Variants in PLPPR1 observed in about 807,000 individuals in gnomAD.
The protein encoded by PLPPR1 is phospholipid phosphatase-related protein type 1.
Under a neutral mutation model 33.1 loss-of-function variants are expected in PLPPR1, and 10 were observed. The observed-to-expected ratio is 0.30, with a 90% CI of 0.19 to 0.51. The LOEUF (loss-of-function observed/expected upper bound fraction) is 0.51, where lower values mean the gene tolerates loss of function less well. Among genes scored for constraint, PLPPR1 ranks in the 20% least tolerant of loss-of-function variants. The pLI is 0.97. For missense variants in PLPPR1, 304 were observed against 408.1 expected (o/e 0.74, Z 2.20); for synonymous variants, 151 against 151.0 (o/e 1.00, Z 0.00).
chr9:101,134,433 A>G (rs1344232678), intron 1 of PLPPR1, among the ~76,000 whole-genome samples: 6 of 150,568 alleles, frequency 4.0e-5, no homozygotes, highest in Non-Finnish European at 7.4e-5. Context: ...CCCAGGCTGG[A>G]GTGCAGTGGT....
At chr9:101,049,653 T>C (rs1370941354) in intron 1 of PLPPR1, among the ~76,000 whole-genome samples, 12 of 152,178 alleles carry the variant, frequency 7.9e-5, no homozygotes, top group Admixed American at 7.9e-4. Context: ...GGACTTAAAC[T>C]CTGATGGGCT....
At chr9:101,080,524 A>C (rs1352491960) in intron 1 of PLPPR1, among the ~76,000 whole-genome samples, 4 of 152,182 alleles carry the variant, frequency 2.6e-5, no homozygotes, top group Non-Finnish European at 5.9e-5. Context: ...CAAAAAATAA[A>C]ATAAAAATAA....
chr9:101,079,950 C>T (rs1830598647), intron 1 of PLPPR1, among the ~76,000 whole-genome samples: 2 of 152,156 alleles, frequency 1.3e-5, no homozygotes, highest in African/African-American at 4.8e-5. Context: ...TTAATTCTCC[C>T]TAAAATTCTG....
chr9:101,054,469 A>G (rs1045045958), intron 1 of PLPPR1, among the ~76,000 whole-genome samples: 1 of 152,170 alleles, frequency 6.6e-6, no homozygotes, highest in Non-Finnish European at 1.5e-5. Flanking sequence ...TTGATGACAG[A>G]CTCAATTGGA....
rs185325459 is a variant in PLPPR1, at chr9:101,153,921, G to A, written c.-45-31529G>A. Among the ~76,000 whole-genome samples, 97 of 152,154 alleles carry A rather than the reference G, an allele frequency of 6.4e-4. 3 individuals carry two copies. In the East Asian group the frequency reaches 0.013, roughly 20 times the overall value. On this transcript the variant is annotated intron_variant, in intron 1 of 7. Coordinates refer to ENST00000374874, the MANE Select transcript of PLPPR1 (RefSeq NM_207299.2). ...TTTATTGAGAGTTTTTAGCATGAAGGGCTGTTGAATTTTGTCAAAGGCCTT... is the reference window on the plus strand; with the variant it reads ...TTTATTGAGAGTTTTTAGCATGAAGAGCTGTTGAATTTTGTCAAAGGCCTT...
At chr9:101,169,444 T>G (rs1351820791) in intron 1 of PLPPR1, among the ~76,000 whole-genome samples, 1 of 152,152 alleles carries the variant, frequency 6.6e-6, no homozygotes, top group Non-Finnish European at 1.5e-5. Flanking sequence ...GATGGTGTTT[T>G]CCTACTTAGC....
At chr9:101,304,747 A>C (rs986638595) in intron 4 of PLPPR1, among the ~76,000 whole-genome samples, 20 of 152,294 alleles carry the variant, frequency 1.3e-4, no homozygotes, top group Admixed American at 3.3e-4. Context: ...CCCCAAGTCC[A>C]GTCCCTAGTT....
intron 2 of PLPPR1, among the ~76,000 whole-genome samples, chr9:101,192,087 G>A (rs1407969364): frequency 6.6e-6 from 1 of 152,160 alleles, no homozygotes; most frequent in East Asian, 1.9e-4. Context: ...AGAACTTAAA[G>A]AATTCCATAT....
intron 1 of PLPPR1, among the ~76,000 whole-genome samples, chr9:101,170,880 T>C (rs1825933173): frequency 6.6e-6 from 1 of 152,012 alleles, no homozygotes; most frequent in South Asian, 2.1e-4. Flanking sequence ...GTCAAGAGTA[T>C]GGTAAGCTAT....
intron 1 of PLPPR1, among the ~76,000 whole-genome samples, chr9:101,117,337 C>A (rs2118587358): frequency 6.6e-6 from 1 of 152,142 alleles, no homozygotes; most frequent in African/African-American, 2.4e-5. Context: ...CAAGAGTGAC[C>A]TCTAGTTGTC....
intron 1 of PLPPR1, among the ~76,000 whole-genome samples, chr9:101,064,089 T>G (rs565641358): frequency 6.6e-5 from 10 of 152,248 alleles, no homozygotes; most frequent in African/African-American, 1.9e-4. Context: ...AGATCTATGA[T>G]TCTATAGACA....
At chr9:101,046,892 T>C (rs2118433913) in intron 1 of PLPPR1, among the ~76,000 whole-genome samples, 1 of 152,330 alleles carries the variant, frequency 6.6e-6, no homozygotes, top group South Asian at 2.1e-4. Flanking sequence ...TGGTTAAGTA[T>C]CACTGTTAGT....
intron 2 of PLPPR1, among the ~76,000 whole-genome samples, chr9:101,220,112 T>C (rs1397776618): frequency 1.3e-5 from 2 of 152,198 alleles, no homozygotes; most frequent in South Asian, 2.1e-4. Context: ...TTGTGCATCA[T>C]AGGATGTAGA....
At chr9:101,212,151 C>T (rs745404324) in intron 2 of PLPPR1, among the ~76,000 whole-genome samples, 21 of 151,280 alleles carry the variant, frequency 1.4e-4, no homozygotes, top group African/African-American at 1.9e-4. Flanking sequence ...GGTGTGATCT[C>T]GGCTCACTGT....
At chr9:101,161,864 A>G (rs1229151618) in intron 1 of PLPPR1, among the ~76,000 whole-genome samples, 1 of 152,122 alleles carries the variant, frequency 6.6e-6, no homozygotes, top group African/African-American at 2.4e-5. Flanking sequence ...TATTTTAAGT[A>G]TTTAATTCAT....
chr9:101,072,691 A>G (rs891935526), intron 1 of PLPPR1, among the ~76,000 whole-genome samples: 9 of 152,174 alleles, frequency 5.9e-5, no homozygotes, highest in African/African-American at 2.2e-4. Flanking sequence ...TTTCAAATAA[A>G]ATTGCTGCCA....
At chr9:101,269,566 G>A (rs1828056466) in intron 2 of PLPPR1, among the ~76,000 whole-genome samples, 1 of 152,178 alleles carries the variant, frequency 6.6e-6, no homozygotes, top group African/African-American at 2.4e-5. Context: ...AATGGCTATA[G>A]TGCCTTGGTT....
At chr9:101,293,490 C>T (rs1021736494) in intron 4 of PLPPR1, among the ~76,000 whole-genome samples, 1 of 152,066 alleles carries the variant, frequency 6.6e-6, no homozygotes, top group Admixed American at 6.5e-5. Flanking sequence ...CCCAAATCAA[C>T]AGAATATACA....
At chr9:101,106,202 T>C (rs1328391582) in intron 1 of PLPPR1, among the ~76,000 whole-genome samples, 1 of 149,548 alleles carries the variant, frequency 6.7e-6, no homozygotes, top group East Asian at 2.0e-4. Context: ...TGATGTTAGC[T>C]GGTGCTTTTG....
Sources: allele counts gnomAD v4.1 joint callset (sites outside exome capture counted in the v4.1 genomes callset), GRCh38; gene constraint gnomAD v4.1.1; transcripts MANE v1.5; gene names NCBI Gene and HGNC (gene_info 2026-07-23, HGNC 2026-07-21).